The following PERP variants were observed in gnomAD, a reference collection of about 807,000 sequenced individuals.
PERP encodes the protein p53 apoptosis effector related to PMP-22.
A neutral mutation model predicts 20.3 loss-of-function variants in PERP; 11 were observed. The observed-to-expected ratio is 0.54, with a 90% CI of 0.34 to 0.90. PERP has a LOEUF of 0.90. PERP is among the 40% of genes least tolerant of loss of function. The pLI is 0.02. For missense variants in PERP, 224 were observed against 249.4 expected (o/e 0.90, Z 0.69); for synonymous variants, 101 against 102.0 (o/e 0.99, Z 0.06).
At chr6:138,099,232 GAAC>G (rs1562324675) in intron 1 of PERP, among the ~76,000 whole-genome samples, 1 of 152,144 alleles carries the variant, frequency 6.6e-6, no homozygotes, top group Non-Finnish European at 1.5e-5. Flanking sequence ...TAAAGTTTGA[GAAC>G]AACTTAGATG....
Position 138,092,147 on chromosome 6 carries a change from G to A in PERP, c.477C>T (p.Ala159=). The A allele has an allele frequency of 6.2e-7, 1 of 1,614,100 alleles. No homozygotes were observed. Among genetic ancestry groups the A allele is most frequent in the Non-Finnish European group, 8.5e-7 (1 of 1,179,990 alleles). ...YNWAYGFGWA[A]TIILIGCAFF... is the part of the protein sequence containing the mutation. ...AGGCACAGCCAATCAGGATAATCGT[G>A]GCTGCCCACCCAAAGCCGTAGGCCC... Residue 159 remains alanine (A), a synonymous_variant, in exon 3 of 3, where the codon GCC becomes GCT. Transcript: ENST00000421351.
At chr6:138,104,870 G>T (rs1042722103) in intron 1 of PERP, among the ~76,000 whole-genome samples, 1 of 150,334 alleles carries the variant, frequency 6.7e-6, no homozygotes. Context: ...TTTCAGTAAG[G>T]CCTTACTAAG....
chr6:138,106,116 G>T (rs1775836868), intron 1 of PERP, among the ~76,000 whole-genome samples: 1 of 152,190 alleles, frequency 6.6e-6, no homozygotes, highest in Non-Finnish European at 1.5e-5. Flanking sequence ...AATGGTAATA[G>T]TAAGAAATGA....
In PERP at chr6:138,107,127, C is replaced by G; in HGVS notation, c.214G>C (p.Ala72Pro). 1.2e-6 allele frequency: 2 copies of G among 1,601,768 alleles called. No homozygotes were observed. The highest frequency in any genetic ancestry group is 1.7e-6 in the Non-Finnish European group (2 of 1,174,702). ...EEGCQSLMEYAWGRAAAAMLF... is the reference protein window; with the variant it reads ...EEGCQSLMEYPWGRAAAAMLF... ...GACGGCGGCGGCGGCGGGCACTCAC[C>G]GTACTCCATGAGGCTCTGACAGCCC... Residue 72 changes from alanine (A) to proline (P), a missense_variant and splice_region_variant, in exon 1 of 3, where the codon GCG (alanine) becomes CCG (proline). By Grantham distance (27) the Ala-to-Pro change is conservative (BLOSUM62 -1). Coordinates refer to ENST00000421351, the MANE Select transcript of PERP (RefSeq NM_022121.5). The surrounding 1 kb of genome is among the most constrained non-coding windows in gnomAD (Gnocchi z 4.8).
At chr6:138,106,835 G>A (rs1485351524) in intron 1 of PERP, among the ~76,000 whole-genome samples, 2 of 150,920 alleles carry the variant, frequency 1.3e-5, no homozygotes, top group Non-Finnish European at 2.9e-5. Context: ...AACTTGCAAT[G>A]CTTGAAATAA....
In PERP at chr6:138,107,284, T is replaced by G; in HGVS notation, c.57A>C (p.Leu19=). 6.2e-7 allele frequency: 1 copy of G among 1,610,432 alleles called. No individual in the cohort carries two copies. The highest frequency in any genetic ancestry group is 8.5e-7 in the Non-Finnish European group (1 of 1,179,424). The change falls in exon 1 of 3, where the codon CTA becomes CTC. Residue 19 remains leucine, a synonymous_variant. Coordinates refer to ENST00000421351, the MANE Select transcript of PERP (RefSeq NM_022121.5). The surrounding 1 kb of genome is among the most constrained non-coding windows in gnomAD (Gnocchi z 4.8). The part of the protein sequence containing the change: ...ERCRWILPLL[L]LSAIAFDIIA... Reference sequence around the variant, plus strand: ...TGATGTCGAAGGCGATGGCGCTGAGTAGGAGCAGGGGCAGGATCCAGCGGC... The same window carrying G: ...TGATGTCGAAGGCGATGGCGCTGAGGAGGAGCAGGGGCAGGATCCAGCGGC...
chr6:138,106,791 C>G (rs956497481), intron 1 of PERP, among the ~76,000 whole-genome samples: 2 of 151,952 alleles, frequency 1.3e-5, no homozygotes, highest in Non-Finnish European at 2.9e-5. Flanking sequence ...TTTCAGGTCT[C>G]CAAGAAACTT....
intron 1 of PERP, among the ~76,000 whole-genome samples, chr6:138,102,964 T>C (rs1368858070): frequency 6.6e-6 from 1 of 151,542 alleles, no homozygotes; most frequent in Non-Finnish European, 1.5e-5. Context: ...CCGGGCGTGG[T>C]GGCGGGCGCC....
At chr6:138,094,099 A>G (rs549772098) in intron 2 of PERP, among the ~76,000 whole-genome samples, 79 of 152,338 alleles carry the variant, frequency 5.2e-4, no homozygotes, top group African/African-American at 1.9e-3. Flanking sequence ...TGGATAAAAG[A>G]GTTTTACTAG....
At position 138,089,979 on chromosome 6, in the gene PERP, T is replaced by C. The variant is rs1775551394; in HGVS notation, c.*2063A>G. 1 of 152,156 alleles carries C rather than the reference T, an allele frequency of 6.6e-6. No individual in the cohort carries two copies. The highest frequency in any genetic ancestry group is 2.1e-4 in the South Asian group (1 of 4,826). The allele number at this position is 152,156 out of a possible 1,614,324, so 9.4% of individuals were successfully genotyped here. Reference sequence around the variant, plus strand: ...GTAGAGAAGCTTATAAACGGAGTCATTTTCATGTTTAACAGGAGACCACGT... The same window carrying C: ...GTAGAGAAGCTTATAAACGGAGTCACTTTCATGTTTAACAGGAGACCACGT... On this transcript the variant is annotated 3_prime_UTR_variant, in exon 3 of 3. Transcript: ENST00000421351.
In PERP at chr6:138,107,105, G is replaced by A; in HGVS notation, c.214+22C>T. ...CCGAGGGCTTCCTGGAGGCGGCGAC[G>A]GCGGCGGCGGCGGGCACTCACCGTA... On this transcript the variant is annotated intron_variant, in intron 1 of 2. Transcript: ENST00000421351. This position sits in a 1 kb window ranked among gnomAD's most constrained non-coding sequence, Gnocchi z 4.8. The A allele has an allele frequency of 6.8e-7, 1 of 1,480,424 alleles. No homozygotes were observed. Among genetic ancestry groups the A allele is most frequent in the Non-Finnish European group, 9.1e-7 (1 of 1,099,136 alleles). 91.7% of individuals were successfully genotyped at this position (1,480,424 alleles called of 1,614,324 possible).
intron 1 of PERP, among the ~76,000 whole-genome samples, chr6:138,104,331 G>A (rs1388005220): frequency 1.3e-5 from 2 of 152,174 alleles, no homozygotes; most frequent in African/African-American, 2.4e-5. Flanking sequence ...GTTTTTAGCT[G>A]GGTGTTAATT....
chr6:138,094,651 G>A (rs1444536273), intron 2 of PERP, among the ~76,000 whole-genome samples: 2 of 152,152 alleles, frequency 1.3e-5, no homozygotes, highest in African/African-American at 4.8e-5. Context: ...ATACACTTAG[G>A]AGTGGAATGC....
At chr6:138,097,443 A>G (rs1462808752) in intron 1 of PERP, among the ~76,000 whole-genome samples, 1 of 151,762 alleles carries the variant, frequency 6.6e-6, no homozygotes, top group Admixed American at 6.6e-5. Context: ...CCTCACAACA[A>G]CTTTTTTTTC....
chr6:138,104,871 C>G (rs756400563), intron 1 of PERP, among the ~76,000 whole-genome samples: 8 of 150,368 alleles, frequency 5.3e-5, no homozygotes, highest in African/African-American at 1.0e-4. Flanking sequence ...TTCAGTAAGG[C>G]CTTACTAAGG....
chr6:138,089,656 C>T lies in PERP; in HGVS notation c.*2386G>A, dbSNP rs973618368. The T allele has an allele frequency of 6.6e-6, 1 of 152,208 alleles. No homozygotes were observed. Among genetic ancestry groups the T allele is most frequent in the Non-Finnish European group, 1.5e-5 (1 of 68,040 alleles). The allele number at this position is 152,208 out of a possible 1,614,324, so 9.4% of individuals were successfully genotyped here. ...TTTCTCAGCCCAATTCTTCATTACTCTCCAGAATCCTCTGGAACTTCCCTT... is the reference window on the plus strand; with the variant it reads ...TTTCTCAGCCCAATTCTTCATTACTTTCCAGAATCCTCTGGAACTTCCCTT... On this transcript the variant is annotated 3_prime_UTR_variant, in exon 3 of 3. Transcript: ENST00000421351.
intron 1 of PERP, among the ~76,000 whole-genome samples, chr6:138,101,399 T>C (rs1775770974): frequency 6.6e-6 from 1 of 152,108 alleles, no homozygotes; most frequent in Non-Finnish European, 1.5e-5. Flanking sequence ...AATGATAAAC[T>C]GAAGCTTGAG....
rs1013399284 is a variant in PERP at position 138,088,875 on chromosome 6, T to G, written c.*3167A>C. 2.6e-5 allele frequency: 4 copies of G among 152,172 alleles called. No individual in the cohort carries two copies. The highest frequency in any genetic ancestry group is 9.7e-5 in the African/African-American group (4 of 41,424). 9.4% of individuals were successfully genotyped at this position (152,172 alleles called of 1,614,324 possible). On this transcript the variant is annotated 3_prime_UTR_variant, in exon 3 of 3. Coordinates refer to ENST00000421351, the MANE Select transcript of PERP (RefSeq NM_022121.5). ...CACACTACAGAAATTATTTTATATATTACTTATTTTTAAAACTCAACTGTA... is the reference window on the plus strand; with the variant it reads ...CACACTACAGAAATTATTTTATATAGTACTTATTTTTAAAACTCAACTGTA...
At chr6:138,095,750 C>A (rs1193206416) in intron 2 of PERP, among the ~76,000 whole-genome samples, 1 of 152,178 alleles carries the variant, frequency 6.6e-6, no homozygotes, top group Admixed American at 6.5e-5. Flanking sequence ...AATCCTAGTT[C>A]TTGTATTCCA....
Sources: gnomAD v4.1 joint callset for allele counts (sites outside exome capture counted in the v4.1 genomes callset) on GRCh38, gnomAD v4.1.1 for gene constraint, Gnocchi (gnomAD v3.1) non-coding constraint, MANE v1.5 for transcripts, NCBI Gene and HGNC (gene_info 2026-07-23, HGNC 2026-07-21) for gene names.